The following WIZ variants were observed in gnomAD, a reference collection of about 807,000 sequenced individuals.
WIZ encodes protein Wiz.
A neutral mutation model predicts 140.2 loss-of-function variants in WIZ; 25 were observed. The observed-to-expected ratio is 0.18, with a 90% confidence interval of 0.13 to 0.25. WIZ has a LOEUF of 0.25. Among genes scored for constraint, WIZ ranks in the 10% least tolerant of loss-of-function variants. WIZ has a pLI of 1.00. For missense variants in WIZ, 2,231 were observed against 2,632.6 expected (o/e 0.85, Z 3.34); for synonymous variants, 1,125 against 1,154.3 (o/e 0.97, Z 0.51).
rs368138978 is a variant in WIZ at position 15,443,392 on chromosome 19, G to A, written c.206-644C>T. On this transcript the variant is annotated intron_variant, in intron 2 of 12. Coordinates refer to ENST00000673675, the MANE Select transcript of WIZ (RefSeq NM_001371589.1). ...CGGCCTAAAAACCAGACTCTTAGCCGCCACCTACAAGGCCCTATGAGGTCA... is the reference window on the plus strand; with the variant it reads ...CGGCCTAAAAACCAGACTCTTAGCCACCACCTACAAGGCCCTATGAGGTCA... Among the ~76,000 whole-genome samples, 10 of 152,236 alleles carry A rather than the reference G, an allele frequency of 6.6e-5. No individual in the cohort carries two copies. The East Asian group carries it at 1.9e-3, about 29-fold the overall frequency.
In WIZ at chr19:15,423,201, T is replaced by G; in HGVS notation, c.5545A>C (p.Ile1849Leu). 1 of 1,613,596 alleles carries G rather than the reference T, an allele frequency of 6.2e-7. No homozygotes were observed. The highest frequency in any genetic ancestry group is 8.5e-7 in the Non-Finnish European group (1 of 1,179,888). Residue 1849 changes from isoleucine to leucine, a missense_variant, in exon 13 of 13, where the codon ATC (isoleucine) becomes CTC (leucine). By Grantham distance (5) the Ile-to-Leu change is conservative. Coordinates refer to ENST00000673675, the MANE Select transcript of WIZ (RefSeq NM_001371589.1). Reference protein sequence around the residue: ...CEVEFQGPLSIQEEWVRHLQR... With the variant: ...CEVEFQGPLSLQEEWVRHLQR... ...AAGTGCCGCACCCACTCTTCCTGGA[T>G]GGAGAGGGGGCCCTGGAATTCCACC...
rs535315692 is a variant in WIZ, at chr19:15,438,854, C to T, written c.2140G>A (p.Ala714Thr). Reference sequence around the variant, plus strand: ...AGGAGCAGGAAGTCCAGGGGGTGGGCGCCTGCCAGCCCCAGCTCCTCGGGC... The same window carrying T: ...AGGAGCAGGAAGTCCAGGGGGTGGGTGCCTGCCAGCCCCAGCTCCTCGGGC... ...LQPEELGLAGAHPLDFLLLDA... is the reference protein window; with the variant it reads ...LQPEELGLAGTHPLDFLLLDA... The change falls in exon 4 of 13, where the codon GCC (alanine) becomes ACC (threonine). Residue 714 changes from alanine to threonine, a missense_variant. By Grantham distance (58) the Ala-to-Thr change is moderately conservative. This residue lies in a region of WIZ where 475 missense variants were observed against 520.2 expected (regional missense o/e 0.91). Coordinates refer to ENST00000673675, the MANE Select transcript of WIZ (RefSeq NM_001371589.1). 803 of 1,473,456 alleles carry T rather than the reference C, an allele frequency of 5.4e-4. 2 individuals carry two copies. Among genetic ancestry groups the T allele is most frequent in the Non-Finnish European group, 7.0e-4 (783 of 1,111,300 alleles). The allele number at this position is 1,473,456 out of a possible 1,614,324, so 91.3% of individuals were successfully genotyped here.
chr19:15,434,991 G>A (rs1969467101), intron 5 of WIZ, among the ~76,000 whole-genome samples: 1 of 152,312 alleles, frequency 6.6e-6, no homozygotes, highest in Non-Finnish European at 1.5e-5. Flanking sequence ...CACTTTGGGA[G>A]GACGAGGCAG....
Position 15,440,186 on chromosome 19 carries a change from A to T in WIZ, c.808T>A (p.Ser270Thr). 1 of 1,531,928 alleles carries T rather than the reference A, an allele frequency of 6.5e-7. No homozygotes were observed. The allele number at this position is 1,531,928 out of a possible 1,614,324, so 94.9% of individuals were successfully genotyped here. ...EVATQTWTVNSEASVERLQPL... is the reference protein window; with the variant it reads ...EVATQTWTVNTEASVERLQPL... ...TGCAGCCGCTCCACAGAAGCCTCCG[A>T]GTTCACTGTCCAGGTCTGTGTGGCT... Residue 270 changes from serine to threonine, a missense_variant, in exon 4 of 13, where the codon TCG becomes ACG. Around this residue, in one of 15 missense-constraint regions of WIZ, gnomAD observed 307 missense variants for 294.1 expected, o/e 1.04. Coordinates refer to ENST00000673675, the MANE Select transcript of WIZ (RefSeq NM_001371589.1). The surrounding 1 kb of genome is among the most constrained non-coding windows in gnomAD (Gnocchi z 6.2).
In WIZ at chr19:15,422,232, A is replaced by C. The variant is rs1968412814; in HGVS notation, c.*844T>G. ...CCAGGATTGCAAAATAAAAAGATCC[A>C]CGTTCCTTATTCTCTACACAAAACG... On this transcript the variant is annotated 3_prime_UTR_variant, in exon 13 of 13. Coordinates refer to ENST00000673675, the MANE Select transcript of WIZ (RefSeq NM_001371589.1). The C allele has an allele frequency of 6.6e-6, 1 of 152,258 alleles. No homozygotes were observed. The highest frequency in any genetic ancestry group is 6.5e-5 in the Admixed American group (1 of 15,286). 9.4% of individuals were successfully genotyped at this position (152,258 alleles called of 1,614,324 possible).
intron 5 of WIZ, chr19:15,433,479 C>T: frequency 5.4e-6 from 2 of 372,278 alleles, no homozygotes; most frequent in Non-Finnish European, 7.4e-6. Context: ...TAAGGCAAGG[C>T]TTCCAAGATC....
chr19:15,427,651 T>A lies in WIZ; in HGVS notation c.3815-118A>T. ...GCAGCACGCCCACAGGTTAGGGTGG[T>A]GAGGGCAGGTGCAGGTAAGGGAGTG... On this transcript the variant is annotated intron_variant, in intron 8 of 12. Transcript: ENST00000673675. The surrounding 1 kb of genome is among the most constrained non-coding windows in gnomAD (Gnocchi z 6.4). 1.7e-6 allele frequency: 2 copies of A among 1,150,560 alleles called. No individual in the cohort carries two copies. Among genetic ancestry groups the A allele is most frequent in the South Asian group, 1.6e-5 (1 of 63,308 alleles). 71.3% of individuals were successfully genotyped at this position (1,150,560 alleles called of 1,614,324 possible).
chr19:15,439,276 TGG>T lies in WIZ; in HGVS notation c.1716_1717del (p.Gln573GlufsTer64). The stretch of plus-strand genomic sequence containing the variant: ...AAAGGCCAGCCTTCCGAGAGGCCTC[TGG>T]CCCGTGCCATGCAGGAGTGGCTTTG... On this transcript the variant is annotated frameshift_variant, in exon 4 of 13. Transcript: ENST00000673675. LOFTEE classifies it high-confidence loss of function. This position sits in a 1 kb window ranked among gnomAD's most constrained non-coding sequence, Gnocchi z 7.0. 1 of 1,535,130 alleles carries T rather than the reference TGG, an allele frequency of 6.5e-7. No homozygotes were observed. Among genetic ancestry groups the T allele is most frequent in the Non-Finnish European group, 8.7e-7 (1 of 1,146,412 alleles).
At chr19:15,430,828 G>A (rs374937307) in intron 6 of WIZ, among the ~76,000 whole-genome samples, 184 bp downstream of exon 6, 6 of 152,342 alleles carry the variant, frequency 3.9e-5, no homozygotes, top group South Asian at 2.1e-4. Flanking sequence ...TCAGGGCCAC[G>A]CATGCCCAGG....
intron 5 of WIZ, among the ~76,000 whole-genome samples, chr19:15,433,808 CCT>C (rs763982967): frequency 2.6e-5 from 4 of 152,214 alleles, no homozygotes; most frequent in Non-Finnish European, 5.9e-5. Context: ...TCAACCAGCC[CCT>C]GTCCTCTCTG....
Position 15,424,799 on chromosome 19 carries a change from C to T in WIZ, c.5128G>A (p.Gly1710Ser), listed in dbSNP as rs1968622996. 3.7e-6 allele frequency: 6 copies of T among 1,603,892 alleles called. No individual in the cohort carries two copies. Among genetic ancestry groups the T allele is most frequent in the Non-Finnish European group, 5.1e-6 (6 of 1,176,412 alleles). The change falls in exon 11 of 13, where the codon GGC becomes AGC. Residue 1710 changes from glycine to serine, a missense_variant. Physicochemically the swap from Gly to Ser is moderately conservative, Grantham distance 56. Transcript: ENST00000673675. This position sits in a 1 kb window ranked among gnomAD's most constrained non-coding sequence, Gnocchi z 9.7. ...FTKKFRSAGH[G>S]RDSDKRPSLG... is the part of the protein sequence containing the mutation. ...GACGGCCGCTTGTCACTGTCACGGCCATGGCCGGCACTGCGGAACTTCTTG... is the reference window on the plus strand; with the variant it reads ...GACGGCCGCTTGTCACTGTCACGGCTATGGCCGGCACTGCGGAACTTCTTG...
chr19:15,442,567 C>T lies in WIZ; in HGVS notation c.278+109G>A, dbSNP rs1969783051. On this transcript the variant is annotated intron_variant, in intron 3 of 12. Coordinates refer to ENST00000673675, the MANE Select transcript of WIZ (RefSeq NM_001371589.1). The surrounding 1 kb of genome is among the most constrained non-coding windows in gnomAD (Gnocchi z 5.5). ...GCTGACTCCTCCTCCTGCCTGGCCT[C>T]CTGATTCCCTCCTGTCCCCTTCTCA... 2 of 896,738 alleles carry T rather than the reference C, an allele frequency of 2.2e-6. No homozygotes were observed. The highest frequency in any genetic ancestry group is 3.3e-5 in the East Asian group (1 of 30,210). 55.5% of individuals were successfully genotyped at this position (896,738 alleles called of 1,614,324 possible). A position where few individuals can be genotyped will look rare whatever the true frequency, so the allele number is the denominator to read the frequency against.
At position 15,442,596 on chromosome 19, in the gene WIZ, C is replaced by A; in HGVS notation, c.278+80G>T. 9.2e-7 allele frequency: 1 copy of A among 1,085,848 alleles called. No individual in the cohort carries two copies. Among genetic ancestry groups the A allele is most frequent in the Non-Finnish European group, 1.2e-6 (1 of 854,650 alleles). The allele number at this position is 1,085,848 out of a possible 1,614,324, so 67.3% of individuals were successfully genotyped here. A position where few individuals can be genotyped will look rare whatever the true frequency, so the allele number is the denominator to read the frequency against. On this transcript the variant is annotated intron_variant, in intron 3 of 12. Transcript: ENST00000673675. This position sits in a 1 kb window ranked among gnomAD's most constrained non-coding sequence, Gnocchi z 5.5. ...ATTCCCTCCTGTCCCCTTCTCATTC[C>A]CCAGGGGCTTATCTGAGGCCTGGGC...
Position 15,440,836 on chromosome 19 carries a change from CAG to C in WIZ, c.279-123_279-122del, listed in dbSNP as rs1347410400. The C allele has an allele frequency of 7.0e-6, 7 of 1,001,748 alleles. No individual in the cohort carries two copies. Among genetic ancestry groups the C allele is most frequent in the Non-Finnish European group, 8.5e-6 (6 of 707,222 alleles). The allele number at this position is 1,001,748 out of a possible 1,614,324, so 62.1% of individuals were successfully genotyped here. ...CCCCGGAGATCCAGCCCGAGGGTGA[CAG>C]GGGTGTGGGGGTGAGGGTGGGAGGT... On this transcript the variant is annotated intron_variant, in intron 3 of 12. Transcript: ENST00000673675. This position sits in a 1 kb window ranked among gnomAD's most constrained non-coding sequence, Gnocchi z 6.2.
chr19:15,424,203 G>A lies in WIZ; in HGVS notation c.5490C>T (p.Asn1830=), dbSNP rs778484926. The A allele has an allele frequency of 2.6e-6, 4 of 1,554,876 alleles. No individual in the cohort carries two copies. Among genetic ancestry groups the A allele is most frequent in the Non-Finnish European group, 3.5e-6 (4 of 1,152,178 alleles). Residue 1830 remains asparagine, a synonymous_variant, in exon 12 of 13, where the codon AAC becomes AAT. Transcript: ENST00000673675. This position sits in a 1 kb window ranked among gnomAD's most constrained non-coding sequence, Gnocchi z 9.7. ...PQTSLVKFVG[N]IYTLKCRFCE... is the part of the protein sequence containing the mutation. ...CCTACCTGCATTTGAGGGTGTAGAT[G>A]TTGCCCACGAACTTGACAAGTGATG...
At chr19:15,429,452 TG>T in intron 7 of WIZ, 133 bp downstream of exon 7, 1 of 1,031,010 alleles carries the variant, frequency 9.7e-7, no homozygotes, top group Non-Finnish European at 1.3e-6. Flanking sequence ...CTGGCCTGGC[TG>T]GCCCAGGACA....
chr19:15,428,294 G>A lies in WIZ; in HGVS notation c.3630C>T (p.Ala1210=), dbSNP rs1568296057. ...AGGTGGGAGGCGGCCGCCCCGGGTGGGCCAGGGCGCCGCGCCTGGGTGGGA... is the reference window on the plus strand; with the variant it reads ...AGGTGGGAGGCGGCCGCCCCGGGTGAGCCAGGGCGCCGCGCCTGGGTGGGA... ...IRLPPRRGAL[A]HPGRPPPTSA... is the part of the protein sequence containing the mutation. Residue 1210 remains alanine (A), a synonymous_variant, in exon 8 of 13, where the codon GCC becomes GCT. Coordinates refer to ENST00000673675, the MANE Select transcript of WIZ (RefSeq NM_001371589.1). This position sits in a 1 kb window ranked among gnomAD's most constrained non-coding sequence, Gnocchi z 6.4. The A allele has an allele frequency of 6.5e-7, 1 of 1,531,318 alleles. No homozygotes were observed. The highest frequency in any genetic ancestry group is 2.0e-5 in the Admixed American group (1 of 50,496). The allele number at this position is 1,531,318 out of a possible 1,614,324, so 94.9% of individuals were successfully genotyped here. A position where few individuals can be genotyped will look rare whatever the true frequency, so the allele number is the denominator to read the frequency against.
rs1213586563 is a variant in WIZ at position 15,424,448 on chromosome 19, G to A, written c.5315-70C>T. On this transcript the variant is annotated intron_variant, in intron 11 of 12. Coordinates refer to ENST00000673675, the MANE Select transcript of WIZ (RefSeq NM_001371589.1). This position sits in a 1 kb window ranked among gnomAD's most constrained non-coding sequence, Gnocchi z 9.7. The stretch of plus-strand genomic sequence containing the variant: ...CTGCAGAGACTTGGAATACACAAGA[G>A]CTGAGGACTGATGCTACCTGGATGG... 18 of 1,558,940 alleles carry A rather than the reference G, an allele frequency of 1.2e-5. No homozygotes were observed. Among genetic ancestry groups the A allele is most frequent in the Non-Finnish European group, 1.1e-5 (13 of 1,151,152 alleles).
At chr19:15,425,153 C>G (rs1968660242) in intron 10 of WIZ, 88 bp downstream of exon 10, 4 of 1,534,118 alleles carry the variant, frequency 2.6e-6, no homozygotes, top group Non-Finnish European at 2.6e-6. Flanking sequence ...GGGGGCCCCA[C>G]TTGGGGTCAG....
Sources: allele counts gnomAD v4.1 joint callset (sites outside exome capture counted in the v4.1 genomes callset), GRCh38; gene constraint gnomAD v4.1.1; regional missense constraint gnomAD v4.1.1; non-coding constraint Gnocchi (gnomAD v3.1); transcripts MANE v1.5; gene names NCBI Gene and HGNC (gene_info 2026-07-23, HGNC 2026-07-21).